Variants in CD55 observed in about 807,000 individuals in gnomAD.
CD55 encodes CD55 molecule (Cromer blood group).
Under a neutral mutation model 45.8 loss-of-function variants are expected in CD55, and 41 were observed. That is an observed-to-expected ratio of 0.90 (90% CI 0.70 to 1.16). The LOEUF is 1.16. Among genes scored for constraint, CD55 ranks in the 50% most tolerant of loss-of-function variants. CD55 has a pLI of 0.00. For missense variants in CD55, 416 were observed against 469.8 expected (o/e 0.89, Z 1.06); for synonymous variants, 181 against 181.1 (o/e 1.00, Z 0.01).
At chr1:207,325,927 A>G (rs1654661697) in intron 4 of CD55, among the ~76,000 whole-genome samples, 1 of 152,240 alleles carries the variant, frequency 6.6e-6, no homozygotes, top group Non-Finnish European at 1.5e-5. Flanking sequence ...AACCACCAGA[A>G]TTCTCTAAAT....
intron 5 of CD55, among the ~76,000 whole-genome samples, chr1:207,330,892 G>C (rs752694640): frequency 3.4e-4 from 52 of 152,092 alleles, no homozygotes; most frequent in Non-Finnish European, 1.6e-4. Context: ...TGGTCTCAAG[G>C]TTAGCATTTG....
At chr1:207,324,209 T>A (rs1381278541) in intron 2 of CD55, among the ~76,000 whole-genome samples, 1 of 152,168 alleles carries the variant, frequency 6.6e-6, no homozygotes, top group African/African-American at 2.4e-5. Context: ...AATACCCTAT[T>A]CCTGTACTGT....
chr1:207,322,609 G>A (rs1323341030), intron 2 of CD55, 42 bp downstream of exon 2: 1 of 1,494,576 alleles, frequency 6.7e-7, no homozygotes, highest in Non-Finnish European at 9.1e-7. Flanking sequence ...GGAATGGAAT[G>A]TATCTTAAAT....
At position 207,350,503 on chromosome 1, in the gene CD55, G is replaced by C. The variant is rs538863754; in HGVS notation, c.1082-9043G>C. Among the ~76,000 whole-genome samples the C allele has an allele frequency of 7.2e-5, 11 of 152,086 alleles. No individual in the cohort carries two copies. The South Asian group carries it at 1.9e-3, about 26-fold the overall frequency. ...GGTACAGGGCTCTTTCTGGTTGGTA[G>C]GTTTTTTAAATTACTGATTCAATTT... On this transcript the variant is annotated intron_variant, in intron 9 of 9. Transcript: ENST00000367064.
chr1:207,349,124 G>T (rs1572898251), intron 9 of CD55, among the ~76,000 whole-genome samples: 1 of 151,926 alleles, frequency 6.6e-6, no homozygotes, highest in South Asian at 2.1e-4. Flanking sequence ...AGTTTGATAG[G>T]AATAGCATTG....
intron 9 of CD55, among the ~76,000 whole-genome samples, chr1:207,343,028 T>C (rs1465211856): frequency 2.0e-5 from 3 of 152,156 alleles, no homozygotes; most frequent in Admixed American, 6.5e-5. Flanking sequence ...TTCTGTGGTA[T>C]CAGTTGTAAT....
intron 9 of CD55, chr1:207,340,241 T>C (rs1655363120): frequency 4.5e-6 from 1 of 222,870 alleles, no homozygotes; most frequent in African/African-American, 2.3e-5. Context: ...CTTGGCTTAT[T>C]TCATTTAATA....
intron 1 of CD55, 148 bp downstream of exon 1, chr1:207,322,013 C>G (rs796941250): frequency 6.4e-6 from 4 of 627,382 alleles, no homozygotes; most frequent in African/African-American, 5.5e-5. Context: ...CTTTAAGGCT[C>G]TCGCCGCTCA....
At chr1:207,351,550 A>G (rs1472900071) in intron 9 of CD55, among the ~76,000 whole-genome samples, 1 of 152,194 alleles carries the variant, frequency 6.6e-6, no homozygotes, top group Non-Finnish European at 1.5e-5. Flanking sequence ...AAAGAGTAAT[A>G]AAAACATTAT....
intron 2 of CD55, 96 bp downstream of exon 2, chr1:207,322,663 C>T (rs756115395): frequency 9.8e-5 from 103 of 1,052,922 alleles, no homozygotes; most frequent in Middle Eastern, 6.4e-4. Flanking sequence ...TGATAGTTCT[C>T]TAGCGTTACT....
chr1:207,321,776 C>G lies in CD55; in HGVS notation c.11C>G (p.Ala4Gly). ...CTAACCCGGCGCGCCATGACCGTCG[C>G]GCGGCCGAGCGTGCCCGCGGCGCTG... MTV[A>G]RPSVPAALPL... is the part of the protein sequence containing the mutation. Residue 4 changes from alanine (A) to glycine (G), a missense_variant, in exon 1 of 10, where the codon GCG (alanine) becomes GGG (glycine). Ala to Gly is a moderately conservative substitution (Grantham distance 60). This residue lies in a region of CD55 where 123 missense variants were observed against 105.1 expected (regional missense o/e 1.17). Coordinates refer to ENST00000367064, the MANE Select transcript of CD55 (RefSeq NM_000574.5). The G allele has an allele frequency of 6.6e-7, 1 of 1,518,320 alleles. No homozygotes were observed. Among genetic ancestry groups the G allele is most frequent in the South Asian group, 1.2e-5 (1 of 82,266 alleles). 94.1% of individuals were successfully genotyped at this position (1,518,320 alleles called of 1,614,324 possible).
chr1:207,337,293 A>G (rs375579750), intron 7 of CD55, 36 bp from the exon 8 acceptor site: 3 of 1,277,582 alleles, frequency 2.3e-6, no homozygotes, highest in Admixed American at 1.7e-5. Flanking sequence ...AATGGTCTCA[A>G]GAGTACACAA....
At chr1:207,351,004 C>G (rs1655847494) in intron 9 of CD55, among the ~76,000 whole-genome samples, 1 of 152,124 alleles carries the variant, frequency 6.6e-6, no homozygotes, top group African/African-American at 2.4e-5. Flanking sequence ...AAACTTTCCT[C>G]TTGACATTGT....
intron 1 of CD55, 190 bp from the exon 2 acceptor site, chr1:207,322,192 A>G (rs1427807351): frequency 4.2e-6 from 3 of 717,936 alleles, no homozygotes; most frequent in Non-Finnish European, 7.7e-6. Context: ...GCTGGTCTAA[A>G]AGGATGGGAG....
intron 9 of CD55, among the ~76,000 whole-genome samples, chr1:207,341,436 T>C (rs1655421314): frequency 6.6e-6 from 1 of 152,206 alleles, no homozygotes; most frequent in South Asian, 2.1e-4. Context: ...TCGATTTGAT[T>C]TTTGTACATG....
chr1:207,336,622 A>C, intron 6 of CD55, 71 bp from the exon 7 acceptor site: 1 of 1,546,156 alleles, frequency 6.5e-7, no homozygotes, highest in Admixed American at 1.8e-5. Context: ...CCACAGAGCA[A>C]GCAATGGCTA....
At position 207,337,383 on chromosome 1, in the gene CD55, C is replaced by G; in HGVS notation, c.1034C>G (p.Pro345Arg). 6.2e-7 allele frequency: 1 copy of G among 1,609,210 alleles called. No individual in the cohort carries two copies. Among genetic ancestry groups the G allele is most frequent in the Non-Finnish European group, 8.5e-7 (1 of 1,175,588 alleles). The part of the protein sequence containing the change: ...RTTKHFHETT[P>R]NKGSGTTSGT... ...ACCAAGCATTTTCATGAAACAACCC[C>G]AAATAAAGGAAGTGGAACCACTTCA... The change falls in exon 8 of 10, where the codon CCA (proline) becomes CGA (arginine). Residue 345 changes from proline to arginine, a missense_variant. Pro to Arg is a moderately radical substitution (Grantham distance 103, BLOSUM62 -2). Coordinates refer to ENST00000367064, the MANE Select transcript of CD55 (RefSeq NM_000574.5).
chr1:207,359,654 G>A lies in CD55; in HGVS notation c.*44G>A, dbSNP rs1293713371. On this transcript the variant is annotated 3_prime_UTR_variant, in exon 10 of 10. Transcript: ENST00000367064. ...GAAAATACACACAAGTATACAGACT[G>A]TTCCTAGTTTCTTAGACTTATCTGC... The A allele has an allele frequency of 1.9e-6, 3 of 1,545,524 alleles. No homozygotes were observed. Among genetic ancestry groups the A allele is most frequent in the Non-Finnish European group, 2.6e-6 (3 of 1,154,180 alleles).
intron 5 of CD55, among the ~76,000 whole-genome samples, chr1:207,330,288 A>G (rs1654883486): frequency 1.3e-5 from 2 of 151,982 alleles, no homozygotes. Flanking sequence ...TGTTTGGTGT[A>G]ACATAATTTG....
Sources: gnomAD v4.1 joint callset for allele counts (sites outside exome capture counted in the v4.1 genomes callset) on GRCh38, gnomAD v4.1.1 for gene constraint, gnomAD v4.1.1 regional missense constraint, MANE v1.5 for transcripts, NCBI Gene and HGNC (gene_info 2026-07-23, HGNC 2026-07-21) for gene names.